NELFE: variants seen among roughly 807,000 people sequenced by gnomAD.
The protein encoded by NELFE is negative elongation factor E.
A neutral mutation model predicts 55.5 loss-of-function variants in NELFE; 26 were observed. That is an observed-to-expected ratio of 0.47 (90% CI 0.34 to 0.65). The LOEUF (loss-of-function observed/expected upper bound fraction) is 0.65, where lower values mean the gene tolerates loss of function less well. Among genes scored for constraint, NELFE ranks in the 30% least tolerant of loss-of-function variants. The pLI, the probability that NELFE is intolerant of heterozygous loss-of-function variation, is 0.01. For synonymous variants in NELFE, 162 were observed against 178.0 expected (o/e 0.91, Z 0.72); for missense variants, 403 against 506.9 (o/e 0.80, Z 1.97).
Position 31,954,676 on chromosome 6 carries a change from G to C in NELFE, c.621C>G (p.Asp207Glu), listed in dbSNP as rs143667999. 2 of 1,587,614 alleles carry C rather than the reference G, an allele frequency of 1.3e-6. No homozygotes were observed. Among genetic ancestry groups the C allele is most frequent in the Non-Finnish European group, 1.7e-6 (2 of 1,164,260 alleles). The change falls in exon 7 of 11, where the codon GAC (aspartate) becomes GAG (glutamate). Residue 207 changes from aspartate to glutamate, a missense_variant. Physicochemically the swap from Asp to Glu is conservative, Grantham distance 45. Coordinates refer to ENST00000375429, the MANE Select transcript of NELFE (RefSeq NM_002904.6). The surrounding 1 kb of genome is among the most constrained non-coding windows in gnomAD (Gnocchi z 5.5). Reference protein sequence around the residue: ...DRDRDRERDRDRDRDRDRERD... With the variant: ...DRDRDRERDRERDRDRDRERD... ...GCTCTCTGTCTCTGTCTCGATCCCG[G>C]TCTCGATCCCGCTCCCGATCTCGGT...
At chr6:31,955,491 C>T (rs1161359447) in intron 4 of NELFE, among the ~76,000 whole-genome samples, 198 bp from the exon 5 acceptor site, 1 of 149,984 alleles carries the variant, frequency 6.7e-6, no homozygotes, top group Non-Finnish European at 1.5e-5. Flanking sequence ...CTCTGTTGTC[C>T]AGGCTGGAGT....
Position 31,955,306 on chromosome 6 carries a change from G to A in NELFE, c.292-13C>T, listed in dbSNP as rs73729003. The A allele has an allele frequency of 2.0e-3, 3,149 of 1,552,694 alleles. 48 individuals are homozygous for A. In the African/African-American group the frequency reaches 0.038, roughly 19 times the overall value. ...CCTTCTCGGGGTCCTGGAGTGGTGA[G>A]AGACCTACCTCAGTGTGGAGCAGGA... is the stretch of plus-strand genomic sequence containing the variant. On this transcript the variant is annotated splice_polypyrimidine_tract_variant and intron_variant, in intron 4 of 10. Coordinates refer to ENST00000375429, the MANE Select transcript of NELFE (RefSeq NM_002904.6).
intron 4 of NELFE, 87 bp downstream of exon 4, chr6:31,956,606 T>C (rs1241915353): frequency 7.1e-7 from 1 of 1,409,902 alleles, no homozygotes; most frequent in Non-Finnish European, 9.7e-7. Flanking sequence ...AATTTGCCAG[T>C]GCTTGAGTAT....
Position 31,954,511 on chromosome 6 carries a change from AAC to A in NELFE, c.742+42_742+43del, listed in dbSNP as rs148046336. 3.9e-4 allele frequency: 619 copies of A among 1,584,652 alleles called. 5 individuals carry two copies. In the African/African-American group the frequency reaches 7.3e-3, roughly 19 times the overall value. ...CATTTCACTTAGTAGGACCCACATA[AAC>A]CTCAGTTAAGGTCACCTTGACCTCC... On this transcript the variant is annotated intron_variant, in intron 7 of 10. Coordinates refer to ENST00000375429, the MANE Select transcript of NELFE (RefSeq NM_002904.6). The surrounding 1 kb of genome is among the most constrained non-coding windows in gnomAD (Gnocchi z 5.5).
chr6:31,958,774 T>A, intron 1 of NELFE, 118 bp downstream of exon 1: 2 of 695,174 alleles, frequency 2.9e-6, no homozygotes. Flanking sequence ...AACCGCGGGG[T>A]TTGAACGGCA....
At chr6:31,958,018 A>G (rs1772196887) in intron 2 of NELFE, among the ~76,000 whole-genome samples, 1 of 152,244 alleles carries the variant, frequency 6.6e-6, no homozygotes, top group African/African-American at 2.4e-5. Flanking sequence ...GAATTGGTGT[A>G]GTCAATCTTA....
At position 31,958,376 on chromosome 6, in the gene NELFE, T is replaced by A; in HGVS notation, c.71A>T (p.Lys24Ile). 6.2e-7 allele frequency: 1 copy of A among 1,613,022 alleles called. No homozygotes were observed. Among genetic ancestry groups the A allele is most frequent in the East Asian group, 2.2e-5 (1 of 44,894 alleles). The change falls in exon 2 of 11, where the codon AAA (lysine) becomes ATA (isoleucine). Residue 24 changes from lysine (K) to isoleucine (I), a missense_variant. Physicochemically the swap from Lys to Ile is moderately radical, Grantham distance 102. Around this residue, in one of 3 missense-constraint regions of NELFE, gnomAD observed 97 missense variants for 155.3 expected, o/e 0.62. Coordinates refer to ENST00000375429, the MANE Select transcript of NELFE (RefSeq NM_002904.6). ...ALQKKFNKLK[K>I]KKKALLALKK... is the part of the protein sequence containing the mutation. The stretch of plus-strand genomic sequence containing the variant: ...TGTCCACACACAGTCCCTCACCTTT[T>A]TCTTGAGCTTGTTGAATTTCTTCTG...
chr6:31,954,886 C>T lies in NELFE; in HGVS notation c.411G>A (p.Val137=). ...GTTCTCGAAGTCGATCACTAGAAGACACAAAGCTGGGGAGATGCAGACTGA... is the reference window on the plus strand; with the variant it reads ...GTTCTCGAAGTCGATCACTAGAAGATACAAAGCTGGGGAGATGCAGACTGA... ...PQRKSLYESF[V]SSSDRLRELG... is the part of the protein sequence containing the mutation. Residue 137 remains valine, a synonymous_variant, in exon 7 of 11, where the codon GTG becomes GTA. Transcript: ENST00000375429. The surrounding 1 kb of genome is among the most constrained non-coding windows in gnomAD (Gnocchi z 5.5). 6.4e-7 allele frequency: 1 copy of T among 1,568,260 alleles called. No individual in the cohort carries two copies. The highest frequency in any genetic ancestry group is 8.6e-7 in the Non-Finnish European group (1 of 1,159,262).
chr6:31,954,537 C>G lies in NELFE; in HGVS notation c.742+18G>C. 1 of 1,595,332 alleles carries G rather than the reference C, an allele frequency of 6.3e-7. No individual in the cohort carries two copies. The highest frequency in any genetic ancestry group is 1.1e-5 in the South Asian group (1 of 88,052). On this transcript the variant is annotated intron_variant, in intron 7 of 10. Coordinates refer to ENST00000375429, the MANE Select transcript of NELFE (RefSeq NM_002904.6). The surrounding 1 kb of genome is among the most constrained non-coding windows in gnomAD (Gnocchi z 5.5). ...ACCTCAGTTAAGGTCACCTTGACCT[C>G]CAGCCAAAATCACTCACTGCGGAAA...
Position 31,954,441 on chromosome 6 carries a change from C to T in NELFE, c.744G>A (p.Arg248=), listed in dbSNP as rs1771941779. The T allele has an allele frequency of 6.3e-6, 10 of 1,596,322 alleles. No homozygotes were observed. Among genetic ancestry groups the T allele is most frequent in the Non-Finnish European group, 6.8e-6 (8 of 1,170,190 alleles). The change falls in exon 8 of 11, where the codon AGG becomes AGA. Residue 248 remains arginine (R), a splice_region_variant and synonymous_variant. Coordinates refer to ENST00000375429, the MANE Select transcript of NELFE (RefSeq NM_002904.6). This position sits in a 1 kb window ranked among gnomAD's most constrained non-coding sequence, Gnocchi z 5.5. ...RDRDREGPFR[R]SDSFPERRAP... ...CTCGCCGTTCAGGGAATGAATCCGA[C>T]CCTTTGGGAGCACAAATCATAGTCA...
Position 31,953,783 on chromosome 6 carries a change from G to A in NELFE, c.991C>T (p.Arg331Ter), listed in dbSNP as rs1562637842. The A allele has an allele frequency of 1.9e-6, 3 of 1,612,912 alleles. No individual in the cohort carries two copies. The highest frequency in any genetic ancestry group is 1.3e-5 in the African/African-American group (1 of 74,914). ...GCGGCATCCAGCATGGGCTGTTTTC[G>A]GGCTATGTTGACTTTGAGCTGTACA... is the stretch of plus-strand genomic sequence containing the variant. ...ESVQLKVNIARKQPMLDAATG... is the reference protein window; with the variant it reads ...ESVQLKVNIA The change falls in exon 10 of 11, where the codon CGA (arginine) becomes TGA (stop). Residue 331 changes from arginine to a stop codon, truncating the protein, a stop_gained. Transcript: ENST00000375429. LOFTEE classifies it high-confidence loss of function.
chr6:31,956,818 T>A lies in NELFE; in HGVS notation c.166A>T (p.Met56Leu). 6.2e-7 allele frequency: 1 copy of A among 1,613,066 alleles called. No homozygotes were observed. Residue 56 changes from methionine to leucine, a missense_variant, in exon 4 of 11, where the codon ATG becomes TTG. Met to Leu is a conservative substitution (Grantham distance 15). This residue lies in a region of NELFE where 97 missense variants were observed against 155.3 expected (regional missense o/e 0.62). Coordinates refer to ENST00000375429, the MANE Select transcript of NELFE (RefSeq NM_002904.6). The part of the protein sequence containing the change: ...VKRSLSEQPV[M>L]DTATATEQAK... The stretch of plus-strand genomic sequence containing the variant: ...TGCTCTGTTGCTGTGGCTGTGTCCA[T>A]GACAGGCTGCTCTGATAGTGCTGGA...
chr6:31,958,744 A>AC, intron 1 of NELFE, 148 bp downstream of exon 1: 1 of 701,984 alleles, frequency 1.4e-6, no homozygotes, highest in Admixed American at 2.0e-5. Context: ...CGACCCCCCT[A>AC]CCCTCGCTAG....
At position 31,954,058 on chromosome 6, in the gene NELFE, A is replaced by G. The variant is rs753826404; in HGVS notation, c.942+22T>C. The G allele has an allele frequency of 6.2e-6, 10 of 1,612,488 alleles. No individual in the cohort carries two copies. The South Asian group carries it at 1.1e-4, about 18-fold the overall frequency. ...TGAGAACAGCAGAAGCGATGGGAAG[A>G]ACAGATTTGGGAAGTTCCAACCTCA... On this transcript the variant is annotated intron_variant, in intron 9 of 10. Transcript: ENST00000375429. The surrounding 1 kb of genome is among the most constrained non-coding windows in gnomAD (Gnocchi z 5.5).
chr6:31,958,878 G>A lies in NELFE; in HGVS notation c.-9+14C>T. ...GAGAAAAAGGGCCGAAGAGTGAGAA[G>A]CAGAGGGCCTTACCCGAGGGGGCGG... is the stretch of plus-strand genomic sequence containing the variant. On this transcript the variant is annotated intron_variant, in intron 1 of 10. Transcript: ENST00000375429. 3 of 603,948 alleles carry A rather than the reference G, an allele frequency of 5.0e-6. No individual in the cohort carries two copies. The South Asian group carries it at 5.9e-5, about 12-fold the overall frequency. The allele number at this position is 603,948 out of a possible 1,614,324, so 37.4% of individuals were successfully genotyped here. A position where few individuals can be genotyped will look rare whatever the true frequency, so the allele number is the denominator to read the frequency against.
At position 31,955,054 on chromosome 6, in the gene NELFE, C is replaced by T. The variant is rs767491955; in HGVS notation, c.404+5G>A. On this transcript the variant is annotated splice_donor_5th_base_variant and intron_variant, in intron 6 of 10. Coordinates refer to ENST00000375429, the MANE Select transcript of NELFE (RefSeq NM_002904.6). ...ATGGGCCCAGCCTTATCTCTACTCTCTAACCTCTCATACAGAGATTTCCTC... is the reference window on the plus strand; with the variant it reads ...ATGGGCCCAGCCTTATCTCTACTCTTTAACCTCTCATACAGAGATTTCCTC... The T allele has an allele frequency of 3.1e-6, 5 of 1,613,242 alleles. No individual in the cohort carries two copies. The East Asian group carries it at 8.9e-5, about 29-fold the overall frequency.
At chr6:31,958,274 G>C (rs1397766056) in intron 2 of NELFE, 98 bp downstream of exon 2, 1 of 1,092,772 alleles carries the variant, frequency 9.2e-7, no homozygotes, top group South Asian at 1.2e-5. Flanking sequence ...TCTAGGTATG[G>C]GCCAGAAAAA....
chr6:31,956,079 C>T (rs1019790473), intron 4 of NELFE, among the ~76,000 whole-genome samples: 27 of 151,930 alleles, frequency 1.8e-4, no homozygotes, highest in African/African-American at 4.4e-4. Flanking sequence ...TACAGGCGCC[C>T]GCCACCACGC....
In NELFE at chr6:31,954,278, T is replaced by C; in HGVS notation, c.887+20A>G. On this transcript the variant is annotated intron_variant, in intron 8 of 10. Coordinates refer to ENST00000375429, the MANE Select transcript of NELFE (RefSeq NM_002904.6). The surrounding 1 kb of genome is among the most constrained non-coding windows in gnomAD (Gnocchi z 5.5). ...AGGATTCTCCCAGGACTTCTCATCA[T>C]GCCCTGTTGTCATCCTTACTTTCTG... 1.2e-6 allele frequency: 2 copies of C among 1,608,312 alleles called. No homozygotes were observed. The highest frequency in any genetic ancestry group is 1.7e-6 in the Non-Finnish European group (2 of 1,176,910).
Sources: allele counts gnomAD v4.1 joint callset (sites outside exome capture counted in the v4.1 genomes callset), GRCh38; gene constraint gnomAD v4.1.1; regional missense constraint gnomAD v4.1.1; non-coding constraint Gnocchi (gnomAD v3.1); transcripts MANE v1.5; gene names NCBI Gene and HGNC (gene_info 2026-07-23, HGNC 2026-07-21).